Variants in TRPS1 observed in about 807,000 individuals in gnomAD.
The protein encoded by TRPS1 is zinc finger transcription factor Trps1.
TRPS1 carries 6 observed loss-of-function variants against 101.2 expected under a neutral mutation model. The observed-to-expected ratio is 0.06, with a 90% confidence interval of 0.03 to 0.12. TRPS1 has a LOEUF of 0.12. Ranked by LOEUF, TRPS1 falls within the 10% of genes least tolerant of loss-of-function variation. The pLI is 1.00. For missense variants in TRPS1, 1,363 were observed against 1,567.0 expected (o/e 0.87, Z 2.20); for synonymous variants, 578 against 589.8 (o/e 0.98, Z 0.29).
At chr8:115,430,857 A>G (rs1209592464) in intron 5 of TRPS1, among the ~76,000 whole-genome samples, 4 of 152,076 alleles carry the variant, frequency 2.6e-5, no homozygotes, top group African/African-American at 9.7e-5. Flanking sequence ...AACACCAACA[A>G]TGTTGTCAAG....
At chr8:115,642,628 C>T (rs1050708158) in intron 1 of TRPS1, among the ~76,000 whole-genome samples, 1 of 151,832 alleles carries the variant, frequency 6.6e-6, no homozygotes, top group Non-Finnish European at 1.5e-5. Context: ...AATTGGTACT[C>T]TCAATTAGGG....
At chr8:115,580,242 A>AT (rs1465086741) in intron 5 of TRPS1, among the ~76,000 whole-genome samples, 190 of 141,688 alleles carry the variant, frequency 1.3e-3, no homozygotes, top group Non-Finnish European at 2.3e-3. Context: ...AAGAAAAAAA[A>AT]AAAATATATA....
At chr8:115,625,560 T>C (rs1175874672) in intron 1 of TRPS1, among the ~76,000 whole-genome samples, 1 of 151,936 alleles carries the variant, frequency 6.6e-6, no homozygotes, top group Non-Finnish European at 1.5e-5. Flanking sequence ...TCAGTAAATA[T>C]ATCCAACCTC....
rs538972771 is a variant in TRPS1, at chr8:115,411,346, T to C, written c.*2677A>G. On this transcript the variant is annotated 3_prime_UTR_variant, in exon 7 of 7. Transcript: ENST00000395715. ...GCCAAAAATAAAGAACCTATTTGTG[T>C]CCGACACACTAGAGAAATTGCTTAA... The C allele has an allele frequency of 6.6e-6, 1 of 152,490 alleles. No individual in the cohort carries two copies. The highest frequency in any genetic ancestry group is 1.5e-5 in the Non-Finnish European group (1 of 67,952). 9.4% of individuals were successfully genotyped at this position (152,490 alleles called of 1,614,324 possible). A position where few individuals can be genotyped will look rare whatever the true frequency, so the allele number is the denominator to read the frequency against.
chr8:115,475,808 G>A (rs1298959139), intron 5 of TRPS1, among the ~76,000 whole-genome samples: 2 of 152,126 alleles, frequency 1.3e-5, no homozygotes, highest in East Asian at 3.9e-4. Context: ...TCACTCCTAT[G>A]TGGGAGGAGT....
chr8:115,508,796 C>G (rs1815508763), intron 5 of TRPS1, among the ~76,000 whole-genome samples: 1 of 151,968 alleles, frequency 6.6e-6, no homozygotes, highest in Non-Finnish European at 1.5e-5. Context: ...TTGCTCACTA[C>G]TGCAAAACTC....
At chr8:115,535,227 T>TATAGC (rs1554583774) in intron 5 of TRPS1, among the ~76,000 whole-genome samples, 14 of 118,836 alleles carry the variant, frequency 1.2e-4, no homozygotes, top group African/African-American at 4.2e-4. Context: ...ATATAGCATA[T>TATAGC]ATATATAGCA....
chr8:115,664,892 G>C (rs1439922013), intron 1 of TRPS1, among the ~76,000 whole-genome samples: 3 of 152,064 alleles, frequency 2.0e-5, no homozygotes, highest in African/African-American at 7.2e-5. Flanking sequence ...TGAATGAATG[G>C]CTTCATTTTA....
At chr8:115,575,412 C>G (rs1458721301) in intron 5 of TRPS1, among the ~76,000 whole-genome samples, 1 of 152,042 alleles carries the variant, frequency 6.6e-6, no homozygotes, top group Admixed American at 6.6e-5. Flanking sequence ...TGTGAGTGAG[C>G]ATGTCTGAGT....
At chr8:115,433,048 T>A (rs529083891) in intron 5 of TRPS1, among the ~76,000 whole-genome samples, 107 of 152,180 alleles carry the variant, frequency 7.0e-4, no homozygotes, top group African/African-American at 2.4e-3. Flanking sequence ...ACTCAAGTAT[T>A]ACAAACATTT....
chr8:115,546,524 C>T (rs1816576492), intron 5 of TRPS1, among the ~76,000 whole-genome samples: 1 of 149,380 alleles, frequency 6.7e-6, no homozygotes. Flanking sequence ...AAATAATATA[C>T]ATCCAATGGA....
At chr8:115,430,550 T>C (rs1465074117) in intron 5 of TRPS1, among the ~76,000 whole-genome samples, 1 of 152,092 alleles carries the variant, frequency 6.6e-6, no homozygotes, top group Non-Finnish European at 1.5e-5. Context: ...AGAACTTAGA[T>C]TGAAAACAGT....
At chr8:115,551,236 A>G (rs1299520941) in intron 5 of TRPS1, among the ~76,000 whole-genome samples, 1 of 152,228 alleles carries the variant, frequency 6.6e-6, no homozygotes, top group African/African-American at 2.4e-5. Flanking sequence ...TGATTTTATG[A>G]TAGATTTGTA....
intron 5 of TRPS1, among the ~76,000 whole-genome samples, chr8:115,440,524 C>T (rs2129876116): frequency 6.6e-6 from 1 of 152,304 alleles, no homozygotes; most frequent in South Asian, 2.1e-4. Context: ...CAGCTAATAT[C>T]CTCATGTCCC....
intron 4 of TRPS1, among the ~76,000 whole-genome samples, chr8:115,599,552 C>T (rs866679146): frequency 1.2e-4 from 19 of 152,228 alleles, no homozygotes; most frequent in African/African-American, 4.3e-4. Flanking sequence ...TCCATATGTT[C>T]TCATTGTTCA....
intron 5 of TRPS1, among the ~76,000 whole-genome samples, chr8:115,496,289 C>T (rs576690030): frequency 3.9e-5 from 6 of 152,284 alleles, no homozygotes; most frequent in Admixed American, 3.9e-4. Context: ...TCTCCAAAGT[C>T]TAAGCTCTTT....
At chr8:115,449,888 A>G (rs1339242867) in intron 5 of TRPS1, among the ~76,000 whole-genome samples, 1 of 152,038 alleles carries the variant, frequency 6.6e-6, no homozygotes, top group Non-Finnish European at 1.5e-5. Context: ...AAATACTTTG[A>G]GCTTCACACA....
intron 1 of TRPS1, among the ~76,000 whole-genome samples, chr8:115,627,246 A>G (rs752842877): frequency 5.3e-5 from 8 of 151,746 alleles, no homozygotes; most frequent in Non-Finnish European, 1.0e-4. Context: ...GAATAAGATC[A>G]TAATTTCACT....
intron 1 of TRPS1, among the ~76,000 whole-genome samples, chr8:115,665,287 A>T (rs1811894710): frequency 6.6e-6 from 1 of 152,180 alleles, no homozygotes; most frequent in Non-Finnish European, 1.5e-5. Flanking sequence ...AAAAATCTAC[A>T]GTCTTTGGTT....
Sources: gnomAD v4.1 joint callset for allele counts (sites outside exome capture counted in the v4.1 genomes callset) on GRCh38, gnomAD v4.1.1 for gene constraint, MANE v1.5 for transcripts, NCBI Gene and HGNC (gene_info 2026-07-23, HGNC 2026-07-21) for gene names.